CLBA1: variants seen among roughly 807,000 people sequenced by gnomAD.
CLBA1 encodes clathrin binding box of aftiphilin containing 1, also known as uncharacterized protein CLBA1.
A neutral mutation model predicts 28.8 loss-of-function variants in CLBA1; 30 were observed. The observed-to-expected ratio is 1.04, with a 90% CI of 0.78 to 1.41. CLBA1 has a LOEUF of 1.41. Among genes scored for constraint, CLBA1 ranks in the 40% most tolerant of loss-of-function variants. CLBA1 has a pLI of 0.00. For synonymous variants in CLBA1, 160 were observed against 152.8 expected, an observed-to-expected ratio of 1.05 and a Z score of -0.35; for missense variants, 451 against 412.3, an observed-to-expected ratio of 1.09 and a Z score of -0.81.
Position 104,994,751 on chromosome 14 carries a change from GT to G in CLBA1, c.973del (p.Cys325AlafsTer78). 6.3e-7 allele frequency: 1 copy of G among 1,598,238 alleles called. No individual in the cohort carries two copies. The highest frequency in any genetic ancestry group is 8.5e-7 in the Non-Finnish European group (1 of 1,174,230). ...CAAACTGACACTCTTTAATAGCGAC[GT>G]TTGCTAAAATCAGGAGGACTTTGTA... ...KLKLTLFNSDVC is the reference protein window; with the variant it reads ...KLKLTLFNSDXC On this transcript the variant is annotated frameshift_variant, in exon 5 of 5. Coordinates refer to ENST00000547315, the MANE Select transcript of CLBA1 (RefSeq NM_174891.4). LOFTEE classifies it high-confidence loss of function.
chr14:104,988,884 G>A (rs1213412391), intron 1 of CLBA1, 59 bp from the exon 2 acceptor site: 16 of 1,465,644 alleles, frequency 1.1e-5, no homozygotes, highest in Non-Finnish European at 1.5e-5. Context: ...TTTGGAATAA[G>A]GTAACGTTAT....
chr14:104,993,139 C>A, intron 4 of CLBA1, 75 bp downstream of exon 4: 1 of 1,551,496 alleles, frequency 6.4e-7, no homozygotes, highest in Non-Finnish European at 8.7e-7. Flanking sequence ...TCCGCTTTCT[C>A]TGATGTGAGT....
intron 1 of CLBA1, among the ~76,000 whole-genome samples, chr14:104,987,419 T>C (rs988168402): frequency 1.3e-5 from 2 of 152,172 alleles, no homozygotes; most frequent in Non-Finnish European, 2.9e-5. Context: ...TGTGGGTGTT[T>C]ACCGTTTGGT....
rs370264832 is a variant in CLBA1, at chr14:104,991,614, G to A, written c.693G>A (p.Ala231=). ...TTCTTGTTCTCGGAATAGATGCTGC[G>A]CAGAAGGTAGGCGGTTTGGGTTGAC... ...NFFLVLGIDA[A]QKNLSGGQGH... The change falls in exon 3 of 5, where the codon GCG becomes GCA. Residue 231 remains alanine (A), a synonymous_variant. Coordinates refer to ENST00000547315, the MANE Select transcript of CLBA1 (RefSeq NM_174891.4). 25 of 1,610,444 alleles carry A rather than the reference G, an allele frequency of 1.6e-5. No individual in the cohort carries two copies. Among genetic ancestry groups the A allele is most frequent in the Middle Eastern group, 3.3e-4 (2 of 6,004 alleles).
At chr14:104,999,311 A>T, downstream of CLBA1, 1 of 895,164 alleles carries the variant, frequency 1.1e-6, no homozygotes, top group Non-Finnish European at 1.3e-6. Context: ...CTCCAAGCAG[A>T]TAACTGAGCC....
Position 104,991,609 on chromosome 14 carries a change from G to A in CLBA1, c.688G>A (p.Ala230Thr), listed in dbSNP as rs1233850070. ...CTTCTTTCTTGTTCTCGGAATAGAT[G>A]CTGCGCAGAAGGTAGGCGGTTTGGG... ...ENFFLVLGIDAAQKNLSGGQG... is the reference protein window; with the variant it reads ...ENFFLVLGIDTAQKNLSGGQG... Residue 230 changes from alanine (A) to threonine (T), a missense_variant, in exon 3 of 5, where the codon GCT becomes ACT. Coordinates refer to ENST00000547315, the MANE Select transcript of CLBA1 (RefSeq NM_174891.4). The A allele has an allele frequency of 2.5e-6, 4 of 1,612,218 alleles. No individual in the cohort carries two copies. The African/African-American group carries it at 5.4e-5, about 22-fold the overall frequency.
chr14:104,988,279 C>T (rs1225367647), intron 1 of CLBA1, among the ~76,000 whole-genome samples: 2 of 151,896 alleles, frequency 1.3e-5, no homozygotes, highest in Non-Finnish European at 1.5e-5. Context: ...ACTCAGCCTG[C>T]GAGCCTTTGT....
downstream of CLBA1, chr14:104,999,285 G>C: frequency 1.0e-6 from 1 of 966,100 alleles, no homozygotes; most frequent in Non-Finnish European, 1.2e-6. Flanking sequence ...ATTCTTTCTA[G>C]TGGACGTGGA....
At chr14:104,988,439 A>T (rs1033345194) in intron 1 of CLBA1, among the ~76,000 whole-genome samples, 1 of 150,812 alleles carries the variant, frequency 6.6e-6, no homozygotes. Flanking sequence ...CGCCGGATTC[A>T]AGCGATTCTC....
chr14:104,986,372 C>T lies in CLBA1; in HGVS notation c.-60C>T, dbSNP rs2140892402. ...GGGCAGTCCTGGGCGGCCAGCACCC[C>T]GGCGTGCATGTCTCCTGAGCAGCTG... On this transcript the variant is annotated 5_prime_UTR_variant, in exon 1 of 5. Coordinates refer to ENST00000547315, the MANE Select transcript of CLBA1 (RefSeq NM_174891.4). 6.4e-7 allele frequency: 1 copy of T among 1,550,698 alleles called. No individual in the cohort carries two copies. The highest frequency in any genetic ancestry group is 8.7e-7 in the Non-Finnish European group (1 of 1,148,674).
rs1899861869 is a variant in CLBA1, at chr14:104,986,446, G to A, written c.15G>A (p.Arg5=). MQGR[R]ELGGEPLSDL... ...GGGGCTCCAAGATGCAAGGCCGGCG[G>A]GAGCTGGGGGGAGAGCCTTTGAGTG... The change falls in exon 1 of 5, where the codon CGG becomes CGA. Residue 5 remains arginine, a synonymous_variant. Coordinates refer to ENST00000547315, the MANE Select transcript of CLBA1 (RefSeq NM_174891.4). The A allele has an allele frequency of 2.5e-6, 4 of 1,612,478 alleles. No homozygotes were observed. The highest frequency in any genetic ancestry group is 1.7e-5 in the Admixed American group (1 of 59,998).
intron 2 of CLBA1, 163 bp downstream of exon 2, chr14:104,989,251 A>G: frequency 1.5e-6 from 1 of 656,672 alleles, no homozygotes; most frequent in Non-Finnish European, 2.5e-6. Context: ...GGGCAGCACG[A>G]TTGGCGCTCC....
chr14:104,995,757 C>T (rs571673152), downstream of CLBA1, among the ~76,000 whole-genome samples: 3 of 152,324 alleles, frequency 2.0e-5, no homozygotes, highest in Non-Finnish European at 2.9e-5. Context: ...CCTCGGCCAC[C>T]CAGCTGCATA....
At chr14:104,996,145 AG>A (rs1367502193), downstream of CLBA1, among the ~76,000 whole-genome samples, 1 of 152,220 alleles carries the variant, frequency 6.6e-6, no homozygotes, top group African/African-American at 2.4e-5. Flanking sequence ...CACAGACCTC[AG>A]AAGGCCAAGC....
Position 104,995,428 on chromosome 14 carries a change from G to A in CLBA1, c.*669G>A. ...GGCCCGTGGCTTCCCCCAGTTATCT[G>A]CTAAGGAAAACTGTGCTCTTCGAAG... On this transcript the variant is annotated 3_prime_UTR_variant, in exon 5 of 5. Coordinates refer to ENST00000547315, the MANE Select transcript of CLBA1 (RefSeq NM_174891.4). 2 of 985,436 alleles carry A rather than the reference G, an allele frequency of 2.0e-6. No homozygotes were observed. Among genetic ancestry groups the A allele is most frequent in the Non-Finnish European group, 2.4e-6 (2 of 829,934 alleles). 61.0% of individuals were successfully genotyped at this position (985,436 alleles called of 1,614,324 possible).
In CLBA1 at chr14:104,986,343, G is replaced by A. The variant is rs749655186; in HGVS notation, c.-89G>A. On this transcript the variant is annotated 5_prime_UTR_variant, in exon 1 of 5. Coordinates refer to ENST00000547315, the MANE Select transcript of CLBA1 (RefSeq NM_174891.4). ...CCTGGCCCTCTCCAGGGCAGGGGAA[G>A]GTTGGGCAGTCCTGGGCGGCCAGCA... is the stretch of plus-strand genomic sequence containing the variant. 3.6e-6 allele frequency: 5 copies of A among 1,404,564 alleles called. No individual in the cohort carries two copies. In the South Asian group the frequency reaches 4.0e-5, roughly 11 times the overall value. The allele number at this position is 1,404,564 out of a possible 1,614,324, so 87.0% of individuals were successfully genotyped here.
At chr14:104,994,356 C>T in intron 4 of CLBA1, 1 of 985,452 alleles carries the variant, frequency 1.0e-6, no homozygotes, top group Non-Finnish European at 1.2e-6. Flanking sequence ...AAGATGTGGG[C>T]CCACTGCTGT....
downstream of CLBA1, among the ~76,000 whole-genome samples, chr14:104,996,942 G>A (rs373798722): frequency 6.6e-6 from 1 of 152,182 alleles, no homozygotes; most frequent in Non-Finnish European, 1.5e-5. Context: ...GGAACTAAAC[G>A]TTGTTTGCTT....
At chr14:104,988,684 T>C (rs541024696) in intron 1 of CLBA1, among the ~76,000 whole-genome samples, 1 of 152,344 alleles carries the variant, frequency 6.6e-6, no homozygotes, top group South Asian at 2.1e-4. Flanking sequence ...ACTGACATTA[T>C]TGGGTGGTCA....
Sources: gnomAD v4.1 joint callset for allele counts (sites outside exome capture counted in the v4.1 genomes callset) on GRCh38, gnomAD v4.1.1 for gene constraint, MANE v1.5 for transcripts, NCBI Gene and HGNC (gene_info 2026-07-23, HGNC 2026-07-21) for gene names.